The following PRKCA variants were observed in gnomAD, a reference collection of about 807,000 sequenced individuals.
PRKCA encodes the protein protein kinase C alpha type.
A neutral mutation model predicts 87.0 loss-of-function variants in PRKCA; 27 were observed. The ratio of observed to expected loss-of-function variants is 0.31; its 90% confidence interval spans 0.23 to 0.43. The LOEUF is 0.43. Ranked by LOEUF, PRKCA falls within the 20% of genes least tolerant of loss-of-function variation. The pLI is 1.00. For missense variants in PRKCA, 518 were observed against 852.3 expected (o/e 0.61, Z 4.88); for synonymous variants, 329 against 311.1 (o/e 1.06, Z -0.61).
intron 14 of PRKCA, chr17:66,775,421 A>C: frequency 1.0e-6 from 1 of 985,152 alleles, no homozygotes; most frequent in African/African-American, 1.7e-5. Flanking sequence ...ACTTGGCCCC[A>C]GTGGGACACA....
chr17:66,715,992 G>A (rs1973464065), intron 8 of PRKCA, among the ~76,000 whole-genome samples: 1 of 152,172 alleles, frequency 6.6e-6, no homozygotes, highest in African/African-American at 2.4e-5. Flanking sequence ...ACATTTTAGT[G>A]GACATAGAGA....
intron 3 of PRKCA, among the ~76,000 whole-genome samples, chr17:66,606,347 G>A (rs1403078326): frequency 6.6e-6 from 1 of 152,142 alleles, no homozygotes; most frequent in Admixed American, 6.5e-5. Context: ...AGCTAAAATT[G>A]CACCACTGCA....
intron 2 of PRKCA, among the ~76,000 whole-genome samples, chr17:66,441,370 C>G (rs1374895445): frequency 6.6e-6 from 1 of 151,718 alleles, no homozygotes; most frequent in Admixed American, 6.6e-5. Flanking sequence ...TTGGGGTGCT[C>G]TTAAGCTCAC....
chr17:66,369,291 A>G (rs1908954446), intron 2 of PRKCA, among the ~76,000 whole-genome samples: 1 of 152,162 alleles, frequency 6.6e-6, no homozygotes, highest in African/African-American at 2.4e-5. Context: ...GGTCCAAGAT[A>G]TCCCAGTACT....
chr17:66,482,145 C>A (rs1054419806), intron 2 of PRKCA, among the ~76,000 whole-genome samples: 4 of 150,050 alleles, frequency 2.7e-5, no homozygotes, highest in Non-Finnish European at 4.4e-5. Flanking sequence ...GAAAGTGGAT[C>A]GAGTATGAAT....
intron 3 of PRKCA, among the ~76,000 whole-genome samples, chr17:66,640,000 A>C (rs1250748031): frequency 8.1e-6 from 1 of 123,648 alleles, no homozygotes; most frequent in African/African-American, 3.1e-5. Flanking sequence ...GTCTCAAAAA[A>C]TAATAATAAT....
intron 2 of PRKCA, among the ~76,000 whole-genome samples, chr17:66,331,496 A>G (rs1906322230): frequency 1.3e-5 from 2 of 152,172 alleles, no homozygotes; most frequent in African/African-American, 4.8e-5. Context: ...ACAGAGGTCC[A>G]CTTCTCCCTT....
At chr17:66,675,578 C>G (rs1322534622) in intron 5 of PRKCA, among the ~76,000 whole-genome samples, 1 of 152,130 alleles carries the variant, frequency 6.6e-6, no homozygotes, top group East Asian at 1.9e-4. Flanking sequence ...CCAGGGCCTA[C>G]CCTAGAATGT....
intron 2 of PRKCA, chr17:66,339,959 A>G (rs1420687835): frequency 6.6e-6 from 1 of 152,210 alleles, no homozygotes; most frequent in Non-Finnish European, 1.5e-5. Flanking sequence ...ATAAAATTAT[A>G]TAATGGAGGT....
chr17:66,583,268 T>C (rs1969498395), intron 3 of PRKCA, among the ~76,000 whole-genome samples: 1 of 152,166 alleles, frequency 6.6e-6, no homozygotes, highest in African/African-American at 2.4e-5. Flanking sequence ...AGGAATCTCA[T>C]GGGCATTTTT....
At chr17:66,631,272 ATAG>A (rs766730476) in intron 3 of PRKCA, among the ~76,000 whole-genome samples, 133 of 152,366 alleles carry the variant, frequency 8.7e-4, no homozygotes, top group Non-Finnish European at 1.5e-3. Flanking sequence ...CACCTGGCAC[ATAG>A]TAGGTGTACG....
rs60398523 is a variant in PRKCA, at chr17:66,421,653, C to T, written c.206-74548C>T. On this transcript the variant is annotated intron_variant, in intron 2 of 16. Coordinates refer to ENST00000413366, the MANE Select transcript of PRKCA (RefSeq NM_002737.3). The stretch of plus-strand genomic sequence containing the variant: ...GTTCAAGCAATTCTCCTGCCTCAGC[C>T]TCCCAGGTAGCTGGGATTACAGGCA... 2.6e-3 allele frequency among the ~76,000 whole-genome samples: 398 copies of T among 151,922 alleles called. 3 individuals are homozygous for T. The highest frequency in any genetic ancestry group is 9.0e-3 in the African/African-American group (375 of 41,456).
intron 3 of PRKCA, among the ~76,000 whole-genome samples, chr17:66,608,531 G>A (rs1269238590): frequency 6.6e-6 from 1 of 152,098 alleles, no homozygotes; most frequent in Non-Finnish European, 1.5e-5. Flanking sequence ...GGACTTAATG[G>A]CATTTGTTGT....
chr17:66,411,963 T>C (rs1276309746), intron 2 of PRKCA, among the ~76,000 whole-genome samples: 2 of 151,976 alleles, frequency 1.3e-5, no homozygotes, highest in African/African-American at 4.8e-5. Context: ...AAAGTGCCTC[T>C]GGACACTGAG....
intron 2 of PRKCA, among the ~76,000 whole-genome samples, chr17:66,319,634 A>G (rs776897078): frequency 6.6e-6 from 1 of 152,230 alleles, no homozygotes; most frequent in Non-Finnish European, 1.5e-5. Flanking sequence ...TTTTGTCACT[A>G]AGAAGTAACT....
chr17:66,652,853 C>A (rs1971627784), intron 5 of PRKCA, among the ~76,000 whole-genome samples: 1 of 152,228 alleles, frequency 6.6e-6, no homozygotes, highest in Non-Finnish European at 1.5e-5. Context: ...TACTCTATGA[C>A]CCTCCCCTGC....
intron 10 of PRKCA, among the ~76,000 whole-genome samples, chr17:66,738,525 G>T (rs1974089614): frequency 6.6e-6 from 1 of 152,236 alleles, no homozygotes; most frequent in Non-Finnish European, 1.5e-5. Context: ...AAGGCACGTT[G>T]ATGGAGAGCC....
At chr17:66,310,169 G>A (rs1905024236) in intron 2 of PRKCA, among the ~76,000 whole-genome samples, 1 of 151,068 alleles carries the variant, frequency 6.6e-6, no homozygotes, top group Non-Finnish European at 1.5e-5. Context: ...AGTTAACATA[G>A]TTTGTTTCAT....
intron 3 of PRKCA, among the ~76,000 whole-genome samples, chr17:66,575,275 G>C (rs1396539481): frequency 3.3e-5 from 5 of 152,220 alleles, no homozygotes; most frequent in Non-Finnish European, 7.3e-5. Context: ...AGGATTGTGT[G>C]TAATTTAAAA....
Sources: allele counts gnomAD v4.1 joint callset (sites outside exome capture counted in the v4.1 genomes callset), GRCh38; gene constraint gnomAD v4.1.1; transcripts MANE v1.5; gene names NCBI Gene and HGNC (gene_info 2026-07-23, HGNC 2026-07-21).